Variants in CUX2 observed in about 807,000 individuals in gnomAD.
CUX2 encodes the protein homeobox protein cut-like 2.
A neutral mutation model predicts 144.8 loss-of-function variants in CUX2; 40 were observed. That is an observed-to-expected ratio of 0.28 (90% confidence interval 0.21 to 0.36). CUX2 has a LOEUF of 0.36. Among genes scored for constraint, CUX2 ranks in the 10% least tolerant of loss-of-function variants. The pLI, the probability that CUX2 is intolerant of heterozygous loss-of-function variation, is 1.00. For missense variants in CUX2, 1,615 were observed against 1,994.0 expected (o/e 0.81, Z 3.62); for synonymous variants, 827 against 875.6 (o/e 0.94, Z 0.98).
chr12:111,309,996 C>T (rs1490998038), intron 14 of CUX2, 45 bp from the exon 15 acceptor site: 5 of 1,272,492 alleles, frequency 3.9e-6, no homozygotes, highest in African/African-American at 1.5e-5. Context: ...CCCTCATCAT[C>T]GTCTTCCCCG....
chr12:111,316,413 TG>T (rs58213807), intron 16 of CUX2, among the ~76,000 whole-genome samples: 7,046 of 149,532 alleles, frequency 0.047, 448 homozygotes, highest in African/African-American at 0.15. Flanking sequence ...CCCAAAATGC[TG>T]GGATTACACG....
Position 111,322,182 on chromosome 12 carries a change from C to T in CUX2, c.2767-239C>T, listed in dbSNP as rs1887568740. ...AAAATACAAAAATTAGCCAGACGTG[C>T]ACCAGCCTGGTACAAGTCCCAACTA... On this transcript the variant is annotated intron_variant, in intron 17 of 21. Coordinates refer to ENST00000261726, the MANE Select transcript of CUX2 (RefSeq NM_015267.4). The surrounding 1 kb of genome is among the most constrained non-coding windows in gnomAD (Gnocchi z 4.2). 6.6e-6 allele frequency among the ~76,000 whole-genome samples: 1 copy of T among 151,942 alleles called. No individual in the cohort carries two copies. Among genetic ancestry groups the T allele is most frequent in the African/African-American group, 2.4e-5 (1 of 41,346 alleles).
chr12:111,200,618 A>C (rs1310125602), intron 1 of CUX2, among the ~76,000 whole-genome samples: 1 of 151,926 alleles, frequency 6.6e-6, no homozygotes, highest in Non-Finnish European at 1.5e-5. Flanking sequence ...CCCCCATTCA[A>C]TCCAGGCCTC....
intron 1 of CUX2, among the ~76,000 whole-genome samples, chr12:111,176,932 T>C (rs6489979): frequency 0.45 from 68,407 of 152,116 alleles, 21,213 homozygotes; most frequent in African/African-American, 0.86. Context: ...CATTGCAGGG[T>C]CGTCCTGTGC....
At chr12:111,055,568 G>A (rs962740551) in intron 1 of CUX2, among the ~76,000 whole-genome samples, 1 of 152,272 alleles carries the variant, frequency 6.6e-6, no homozygotes, top group Non-Finnish European at 1.5e-5. Context: ...GGTGAGGCCT[G>A]CTGAGGCCGT....
Position 111,295,577 on chromosome 12 carries a change from T to A in CUX2, c.637+168T>A, listed in dbSNP as rs1211799505. On this transcript the variant is annotated intron_variant, in intron 7 of 21. Coordinates refer to ENST00000261726, the MANE Select transcript of CUX2 (RefSeq NM_015267.4). The surrounding 1 kb of genome is among the most constrained non-coding windows in gnomAD (Gnocchi z 5.0). The stretch of plus-strand genomic sequence containing the variant: ...TACCCAGTGGGGGGCTGAGCCTCTA[T>A]GCCCCAGAGGCCACATTGCTGTGGA... 6.6e-6 allele frequency among the ~76,000 whole-genome samples: 1 copy of A among 152,132 alleles called. No homozygotes were observed. The highest frequency in any genetic ancestry group is 6.5e-5 in the Admixed American group (1 of 15,272).
intron 1 of CUX2, among the ~76,000 whole-genome samples, chr12:111,196,382 A>G (rs538452198): frequency 2.0e-5 from 3 of 152,374 alleles, no homozygotes; most frequent in African/African-American, 7.2e-5. Flanking sequence ...TTGCTGGGTC[A>G]TAAGATACAT....
At chr12:111,143,173 C>T (rs373418526) in intron 1 of CUX2, among the ~76,000 whole-genome samples, 1 of 152,268 alleles carries the variant, frequency 6.6e-6, no homozygotes, top group African/African-American at 2.4e-5. Context: ...GGGCTGGTAT[C>T]CAGCAACCAG....
chr12:111,295,218 A>C lies in CUX2; in HGVS notation c.561-115A>C, dbSNP rs556769593. ...TGTCTAAGGACTTGCAGAAAGACAG[A>C]GGTGCAGGTTACAGGGAGTGGGCAA... is the stretch of plus-strand genomic sequence containing the variant. On this transcript the variant is annotated intron_variant, in intron 6 of 21. Transcript: ENST00000261726. The surrounding 1 kb of genome is among the most constrained non-coding windows in gnomAD (Gnocchi z 5.0). 1.3e-6 allele frequency: 1 copy of C among 759,578 alleles called. No homozygotes were observed. Among genetic ancestry groups the C allele is most frequent in the East Asian group, 3.0e-5 (1 of 33,862 alleles). 47.1% of individuals were successfully genotyped at this position (759,578 alleles called of 1,614,324 possible). A position where few individuals can be genotyped will look rare whatever the true frequency, so the allele number is the denominator to read the frequency against.
intron 4 of CUX2, among the ~76,000 whole-genome samples, chr12:111,266,604 C>T (rs1235720816): frequency 1.3e-5 from 2 of 152,066 alleles, no homozygotes; most frequent in African/African-American, 4.8e-5. Context: ...CCATGAGAAA[C>T]TGGGAGAGAC....
chr12:111,179,694 TG>T (rs1879052746), intron 1 of CUX2, among the ~76,000 whole-genome samples: 1 of 151,722 alleles, frequency 6.6e-6, no homozygotes. Context: ...TTTTTTTTTT[TG>T]GTGTTGAGTC....
In CUX2 at chr12:111,277,505, C is replaced by T. The variant is rs1253830922; in HGVS notation, c.301+13666C>T. 2.0e-5 allele frequency among the ~76,000 whole-genome samples: 3 copies of T among 152,216 alleles called. No individual in the cohort carries two copies. The highest frequency in any genetic ancestry group is 4.4e-5 in the Non-Finnish European group (3 of 68,002). ...TCCGCGGAGACACCACTCCCCTCAC[C>T]AGGCTGCCCATTTAGCGCCACCCAG... On this transcript the variant is annotated intron_variant, in intron 4 of 21. Transcript: ENST00000261726. This position sits in a 1 kb window ranked among gnomAD's most constrained non-coding sequence, Gnocchi z 5.0.
intron 1 of CUX2, among the ~76,000 whole-genome samples, chr12:111,055,120 C>T (rs1185539724): frequency 2.6e-5 from 4 of 152,242 alleles, no homozygotes; most frequent in Non-Finnish European, 5.9e-5. Context: ...AGGGCTACTA[C>T]ATGTCCAGGT....
intron 9 of CUX2, among the ~76,000 whole-genome samples, chr12:111,301,612 G>A (rs1048861752): frequency 5.3e-5 from 8 of 151,932 alleles, no homozygotes; most frequent in African/African-American, 1.9e-4. Flanking sequence ...CAAACTCCTG[G>A]GCTCAAGGGA....
Position 111,295,469 on chromosome 12 carries a change from A to G in CUX2, c.637+60A>G, listed in dbSNP as rs1381942507. The G allele has an allele frequency of 6.2e-6, 9 of 1,458,324 alleles. No homozygotes were observed. The highest frequency in any genetic ancestry group is 4.1e-5 in the Admixed American group (2 of 49,358). The allele number at this position is 1,458,324 out of a possible 1,614,324, so 90.3% of individuals were successfully genotyped here. On this transcript the variant is annotated intron_variant, in intron 7 of 21. Transcript: ENST00000261726. The surrounding 1 kb of genome is among the most constrained non-coding windows in gnomAD (Gnocchi z 5.0). The stretch of plus-strand genomic sequence containing the variant: ...CTGGGAGGGGACGGTAATGCTGTCA[A>G]CGAGGGGTCACGGCTTGGGGTCTGC...
At chr12:111,196,477 TTA>T (rs1880250159) in intron 1 of CUX2, among the ~76,000 whole-genome samples, 1 of 152,082 alleles carries the variant, frequency 6.6e-6, no homozygotes, top group African/African-American at 2.4e-5. Context: ...GTATCTGGGC[TTA>T]GTATTGTCTT....
intron 1 of CUX2, among the ~76,000 whole-genome samples, chr12:111,181,103 T>G (rs1002751203): frequency 2.6e-5 from 4 of 152,230 alleles, no homozygotes; most frequent in Non-Finnish European, 5.9e-5. Flanking sequence ...CTGATTGAAA[T>G]AACCAGGCGG....
At chr12:111,119,276 A>G (rs1874484545) in intron 1 of CUX2, among the ~76,000 whole-genome samples, 1 of 152,102 alleles carries the variant, frequency 6.6e-6, no homozygotes, top group South Asian at 2.1e-4. Context: ...GGTGTCCCTT[A>G]CAGGGTAGCC....
At chr12:111,338,992 G>A (rs945585990) in intron 20 of CUX2, among the ~76,000 whole-genome samples, 3 of 152,134 alleles carry the variant, frequency 2.0e-5, no homozygotes, top group African/African-American at 7.2e-5. Context: ...CAGCACTTTG[G>A]GAGGCTGAGG....
Sources: gnomAD v4.1 joint callset for allele counts (sites outside exome capture counted in the v4.1 genomes callset) on GRCh38, gnomAD v4.1.1 for gene constraint, Gnocchi (gnomAD v3.1) non-coding constraint, MANE v1.5 for transcripts, NCBI Gene and HGNC (gene_info 2026-07-23, HGNC 2026-07-21) for gene names.